SPOCK3: variants seen among roughly 807,000 people sequenced by gnomAD.
SPOCK3 encodes testican-3.
SPOCK3 carries 30 observed loss-of-function variants against 56.6 expected under a neutral mutation model. The ratio of observed to expected loss-of-function variants is 0.53; its 90% confidence interval spans 0.40 to 0.72. The LOEUF (loss-of-function observed/expected upper bound fraction) is 0.72. Ranked by LOEUF, SPOCK3 falls within the 30% of genes least tolerant of loss-of-function variation. SPOCK3 has a pLI of 0.00. For synonymous variants in SPOCK3, 196 were observed against 183.3 expected (o/e 1.07, Z -0.56); for missense variants, 527 against 530.0 (o/e 0.99, Z 0.06).
At chr4:167,182,552 T>G (rs1731574862) in intron 2 of SPOCK3, among the ~76,000 whole-genome samples, 1 of 152,058 alleles carries the variant, frequency 6.6e-6, no homozygotes, top group Admixed American at 6.6e-5. Context: ...TGTTCTTTTT[T>G]TTTTTCAAGA....
In SPOCK3 at chr4:166,854,657, A is replaced by G. The variant is rs186279805; in HGVS notation, c.589+34473T>C. ...TTATCAAAATTATACTGTTGACTCA[A>G]TTAAGTAGGAAGGGGATTTTTGGAG... On this transcript the variant is annotated intron_variant, in intron 6 of 10. Transcript: ENST00000357545. Among the ~76,000 whole-genome samples, 7 of 152,308 alleles carry G rather than the reference A, an allele frequency of 4.6e-5. No individual in the cohort carries two copies. The East Asian group carries it at 5.8e-4, about 13-fold the overall frequency.
At chr4:166,960,623 T>G (rs568455612) in intron 4 of SPOCK3, among the ~76,000 whole-genome samples, 10 of 152,270 alleles carry the variant, frequency 6.6e-5, no homozygotes, top group Non-Finnish European at 1.0e-4. Context: ...TTGGAATTGT[T>G]AAAACAAGAG....
chr4:167,014,968 T>C (rs1406336321), intron 3 of SPOCK3, among the ~76,000 whole-genome samples: 1 of 151,974 alleles, frequency 6.6e-6, no homozygotes, highest in Non-Finnish European at 1.5e-5. Context: ...AAAATATTAT[T>C]ATTTTAAAAA....
rs530162622 is a variant in SPOCK3, at chr4:166,733,519, T to G, written c.*1402A>C. 1 of 151,874 alleles carries G rather than the reference T, an allele frequency of 6.6e-6. No individual in the cohort carries two copies. Among genetic ancestry groups the G allele is most frequent in the Non-Finnish European group, 1.5e-5 (1 of 67,792 alleles). 9.4% of individuals were successfully genotyped at this position (151,874 alleles called of 1,614,324 possible). ...AATTAAATGGAAATAATTAATCAAT[T>G]TTGCTTTCAATGAATTGTATACTGG... On this transcript the variant is annotated 3_prime_UTR_variant, in exon 11 of 11. Coordinates refer to ENST00000357545, the MANE Select transcript of SPOCK3 (RefSeq NM_001040159.2).
chr4:166,806,110 T>C (rs1251113226), intron 6 of SPOCK3, among the ~76,000 whole-genome samples: 1 of 152,108 alleles, frequency 6.6e-6, no homozygotes, highest in Non-Finnish European at 1.5e-5. Flanking sequence ...AAAACAAGAA[T>C]ATTTTTCTTA....
chr4:167,064,620 C>T (rs1438499033), intron 2 of SPOCK3, among the ~76,000 whole-genome samples: 1 of 151,668 alleles, frequency 6.6e-6, no homozygotes, highest in African/African-American at 2.4e-5. Context: ...TTTTAGGCCT[C>T]TCCTGAAGCA....
rs13102986 is a variant in SPOCK3, at chr4:167,075,506, C to T, written c.190-12969G>A. Among the ~76,000 whole-genome samples, 70 of 151,982 alleles carry T rather than the reference C, an allele frequency of 4.6e-4. 1 individual carries two copies. The highest frequency in any genetic ancestry group is 9.4e-4 in the African/African-American group (39 of 41,496). Reference sequence around the variant, plus strand: ...GTTTGCAATTTCTGATAAAAATCTACGAATTCAACCAATAATAAAATGTCA... The same window carrying T: ...GTTTGCAATTTCTGATAAAAATCTATGAATTCAACCAATAATAAAATGTCA... On this transcript the variant is annotated intron_variant, in intron 2 of 10. Transcript: ENST00000357545.
chr4:167,109,352 A>G (rs1308814186), intron 2 of SPOCK3, among the ~76,000 whole-genome samples: 3 of 44,828 alleles, frequency 6.7e-5, no homozygotes, highest in South Asian at 7.5e-4. Context: ...ATAATAAAAT[A>G]AATATATATT....
intron 6 of SPOCK3, among the ~76,000 whole-genome samples, chr4:166,830,855 G>C (rs930161468): frequency 1.3e-5 from 2 of 152,126 alleles, no homozygotes; most frequent in African/African-American, 4.8e-5. Context: ...AAAAAAGCTA[G>C]AGAACTTCCT....
chr4:166,753,188 C>T (rs1039876875), intron 8 of SPOCK3, among the ~76,000 whole-genome samples: 1 of 151,720 alleles, frequency 6.6e-6, no homozygotes, highest in Admixed American at 6.6e-5. Flanking sequence ...GCTACCATAA[C>T]ACCAAAAAAT....
chr4:166,784,327 T>C (rs766441542), intron 7 of SPOCK3, among the ~76,000 whole-genome samples: 18 of 152,132 alleles, frequency 1.2e-4, no homozygotes, highest in Non-Finnish European at 2.4e-4. Context: ...TAGCAATACT[T>C]TTAAACTACA....
chr4:166,781,512 A>T (rs530651067), intron 7 of SPOCK3, among the ~76,000 whole-genome samples: 2 of 152,214 alleles, frequency 1.3e-5, no homozygotes, highest in African/African-American at 4.8e-5. Flanking sequence ...AACTTAATAG[A>T]GCTGTGGTTA....
At chr4:166,786,718 A>G (rs1430365319) in intron 7 of SPOCK3, among the ~76,000 whole-genome samples, 1 of 152,204 alleles carries the variant, frequency 6.6e-6, no homozygotes, top group Non-Finnish European at 1.5e-5. Flanking sequence ...CAAAATTGGT[A>G]ATTTCATAAG....
At chr4:166,948,179 T>C (rs907402029) in intron 4 of SPOCK3, among the ~76,000 whole-genome samples, 2 of 152,198 alleles carry the variant, frequency 1.3e-5, no homozygotes, top group Non-Finnish European at 2.9e-5. Flanking sequence ...TCCCTGTTAT[T>C]GCAAATGACA....
chr4:167,163,599 C>A lies in SPOCK3; in HGVS notation c.189+70386G>T, dbSNP rs1394037601. On this transcript the variant is annotated intron_variant, in intron 2 of 10. Transcript: ENST00000357545. Reference sequence around the variant, plus strand: ...ACCCCTCCCCACTACCCTTCCCAACCTCTGGTAACCATCATTCTGCTGCCT... The same window carrying A: ...ACCCCTCCCCACTACCCTTCCCAACATCTGGTAACCATCATTCTGCTGCCT... Among the ~76,000 whole-genome samples, 3 of 152,004 alleles carry A rather than the reference C, an allele frequency of 2.0e-5. No homozygotes were observed. In the East Asian group the frequency reaches 5.8e-4, roughly 29 times the overall value.
At chr4:167,049,127 A>C (rs1210703931) in intron 3 of SPOCK3, among the ~76,000 whole-genome samples, 1 of 149,624 alleles carries the variant, frequency 6.7e-6, no homozygotes, top group Admixed American at 6.6e-5. Flanking sequence ...TTTTTGAGAC[A>C]GAGTTTTGCT....
In SPOCK3 at chr4:167,102,891, C is replaced by G. The variant is rs1013763796; in HGVS notation, c.190-40354G>C. ...ACGGCTAAGGAAGTGTTTGTACTGC[C>G]CCTCCCCAACACCAGGCAATATAGC... On this transcript the variant is annotated intron_variant, in intron 2 of 10. Transcript: ENST00000357545. Among the ~76,000 whole-genome samples, 7 of 147,300 alleles carry G rather than the reference C, an allele frequency of 4.8e-5. No homozygotes were observed. The Admixed American group carries it at 4.8e-4, about 10-fold the overall frequency.
At chr4:166,926,501 C>T (rs10026195) in intron 4 of SPOCK3, among the ~76,000 whole-genome samples, 58,039 of 151,768 alleles carry the variant, frequency 0.38, 12,432 homozygotes, top group East Asian at 0.69. Context: ...AGGTTTGATA[C>T]CTGGGTGTTT....
At chr4:167,122,192 G>C (rs1438343346) in intron 2 of SPOCK3, among the ~76,000 whole-genome samples, 1 of 148,790 alleles carries the variant, frequency 6.7e-6, no homozygotes, top group African/African-American at 2.5e-5. Flanking sequence ...CTTGAGACAG[G>C]GTCTAGAATA....
Sources: gnomAD v4.1 joint callset for allele counts (sites outside exome capture counted in the v4.1 genomes callset) on GRCh38, gnomAD v4.1.1 for gene constraint, MANE v1.5 for transcripts, NCBI Gene and HGNC (gene_info 2026-07-23, HGNC 2026-07-21) for gene names.